Variants in DPP10 observed in about 807,000 individuals in gnomAD.
DPP10 encodes the protein inactive dipeptidyl peptidase 10.
DPP10 carries 33 observed loss-of-function variants against 120.9 expected under a neutral mutation model. The ratio of observed to expected loss-of-function variants is 0.27; its 90% confidence interval spans 0.21 to 0.37. The LOEUF is 0.37. DPP10 is among the 10% of genes least tolerant of loss of function. The pLI, the probability that DPP10 is intolerant of heterozygous loss-of-function variation, is 1.00. For synonymous variants in DPP10, 337 were observed against 326.1 expected (o/e 1.03, Z -0.36); for missense variants, 816 against 942.8 (o/e 0.87, Z 1.76).
chr2:114,559,890 G>GAAAAAAAAA (rs1688617703), intron 1 of DPP10, among the ~76,000 whole-genome samples: 1 of 20,718 alleles, frequency 4.8e-5, no homozygotes, highest in African/African-American at 2.3e-4. Flanking sequence ...AAGAAAAAAA[G>GAAAAAAAAA]CAAAAAAAAA....
chr2:115,265,757 A>G (rs908836403), intron 1 of DPP10, among the ~76,000 whole-genome samples: 14 of 152,024 alleles, frequency 9.2e-5, no homozygotes, highest in Admixed American at 5.9e-4. Flanking sequence ...ATGCCAAATA[A>G]ATAGTGCAGA....
intron 1 of DPP10, among the ~76,000 whole-genome samples, chr2:115,212,678 A>G (rs1486009399): frequency 1.3e-5 from 2 of 152,176 alleles, no homozygotes; most frequent in Non-Finnish European, 2.9e-5. Context: ...AAATAAATAA[A>G]AATAGTTATT....
At chr2:114,823,943 G>C (rs1326123768) in intron 1 of DPP10, among the ~76,000 whole-genome samples, 1 of 152,206 alleles carries the variant, frequency 6.6e-6, no homozygotes, top group Non-Finnish European at 1.5e-5. Flanking sequence ...TGGATGGAAA[G>C]GGACTGGGAG....
chr2:115,731,871 A>C (rs754851965), intron 8 of DPP10, among the ~76,000 whole-genome samples: 31 of 152,144 alleles, frequency 2.0e-4, no homozygotes, highest in Non-Finnish European at 3.4e-4. Flanking sequence ...GATGTAAGCT[A>C]TTCAGATGTT....
intron 1 of DPP10, among the ~76,000 whole-genome samples, chr2:115,190,829 C>T (rs575570148): frequency 3.3e-5 from 5 of 152,286 alleles, no homozygotes; most frequent in East Asian, 1.9e-4. Flanking sequence ...GTTTAGCGTG[C>T]GAACAGAATA....
chr2:115,128,368 C>T (rs1317863707), intron 1 of DPP10, among the ~76,000 whole-genome samples: 3 of 152,142 alleles, frequency 2.0e-5, no homozygotes, highest in Non-Finnish European at 4.4e-5. Context: ...CTTATTAATG[C>T]TTCCCTTAGA....
intron 5 of DPP10, among the ~76,000 whole-genome samples, chr2:115,571,152 T>A (rs1219925047): frequency 1.3e-5 from 2 of 152,246 alleles, no homozygotes; most frequent in Non-Finnish European, 2.9e-5. Context: ...TATGGAGATA[T>A]TAAGTATGAG....
chr2:115,700,166 G>A (rs1250858530), intron 7 of DPP10, among the ~76,000 whole-genome samples: 1 of 152,146 alleles, frequency 6.6e-6, no homozygotes, highest in Non-Finnish European at 1.5e-5. Context: ...GCACAAAAGT[G>A]ATGGTACTAA....
At chr2:115,166,616 A>G (rs1473582048) in intron 1 of DPP10, among the ~76,000 whole-genome samples, 1 of 124,080 alleles carries the variant, frequency 8.1e-6, no homozygotes, top group African/African-American at 3.2e-5. Flanking sequence ...AAGAACATAC[A>G]ACAAATATCT....
intron 1 of DPP10, among the ~76,000 whole-genome samples, chr2:114,730,423 A>C (rs1558680078): frequency 6.6e-6 from 1 of 152,230 alleles, no homozygotes; most frequent in African/African-American, 2.4e-5. Flanking sequence ...TGGTGTGGTC[A>C]TGAATTTCCA....
At chr2:115,791,825 GT>G (rs1428614538) in intron 19 of DPP10, among the ~76,000 whole-genome samples, 5 of 152,028 alleles carry the variant, frequency 3.3e-5, no homozygotes, top group Non-Finnish European at 7.4e-5. Context: ...TGACTTTGAA[GT>G]TAAATATCTT....
chr2:114,464,404 A>T (rs1459225164), intron 1 of DPP10, among the ~76,000 whole-genome samples: 1 of 151,862 alleles, frequency 6.6e-6, no homozygotes, highest in Admixed American at 6.6e-5. Context: ...TTTGGTGGGG[A>T]GTCTGTTCAG....
At chr2:114,467,978 G>A (rs1679558520) in intron 1 of DPP10, among the ~76,000 whole-genome samples, 1 of 152,146 alleles carries the variant, frequency 6.6e-6, no homozygotes, top group Non-Finnish European at 1.5e-5. Context: ...TGTGATTGCA[G>A]CCACTGCACT....
At chr2:115,305,993 C>G (rs1427572943) in intron 1 of DPP10, among the ~76,000 whole-genome samples, 2 of 151,874 alleles carry the variant, frequency 1.3e-5, no homozygotes, top group Admixed American at 6.6e-5. Flanking sequence ...TGTAAACTTT[C>G]TTATCATATA....
At chr2:115,838,626 C>A (rs939803539) in intron 24 of DPP10, among the ~76,000 whole-genome samples, 1 of 152,138 alleles carries the variant, frequency 6.6e-6, no homozygotes, top group Non-Finnish European at 1.5e-5. Flanking sequence ...AGTGCTATTT[C>A]AAATTTCTCT....
At chr2:115,249,813 T>A (rs1293960832) in intron 1 of DPP10, among the ~76,000 whole-genome samples, 1 of 152,134 alleles carries the variant, frequency 6.6e-6, no homozygotes, top group Non-Finnish European at 1.5e-5. Context: ...AGAGTAAATC[T>A]ATGGGGTCAG....
At chr2:115,014,320 G>C (rs1702478334) in intron 1 of DPP10, among the ~76,000 whole-genome samples, 1 of 152,138 alleles carries the variant, frequency 6.6e-6, no homozygotes, top group Admixed American at 6.5e-5. Context: ...CAATATAGCA[G>C]AATCTCTGGG....
At chr2:115,834,813 G>A (rs535758745) in intron 21 of DPP10, among the ~76,000 whole-genome samples, 5 of 152,170 alleles carry the variant, frequency 3.3e-5, no homozygotes, top group East Asian at 3.9e-4. Context: ...CAAGCCGGGC[G>A]CGGTGGCTCA....
At chr2:115,119,288 G>T (rs999766431) in intron 1 of DPP10, among the ~76,000 whole-genome samples, 4 of 152,150 alleles carry the variant, frequency 2.6e-5, no homozygotes, top group African/African-American at 9.7e-5. Flanking sequence ...TACTGTGCAT[G>T]CCTGAACCCA....
Sources: gnomAD v4.1 joint callset for allele counts (sites outside exome capture counted in the v4.1 genomes callset) on GRCh38, gnomAD v4.1.1 for gene constraint, MANE v1.5 for transcripts, NCBI Gene and HGNC (gene_info 2026-07-23, HGNC 2026-07-21) for gene names.